Variants in C2orf42 observed in about 807,000 individuals in gnomAD.
The protein encoded by C2orf42 is chromosome 2 open reading frame 42.
Under a neutral mutation model 58.9 loss-of-function variants are expected in C2orf42, and 44 were observed. The observed-to-expected ratio is 0.75, with a 90% CI of 0.59 to 0.96. C2orf42 has a LOEUF of 0.96. Ranked by LOEUF, C2orf42 falls within the 40% of genes least tolerant of loss-of-function variation. The pLI is 0.00. For synonymous variants in C2orf42, 239 were observed against 265.4 expected (o/e 0.90, Z 0.97); for missense variants, 630 against 699.2 (o/e 0.90, Z 1.12).
chr2:70,188,477 G>A (rs536419362), intron 1 of C2orf42, among the ~76,000 whole-genome samples: 4 of 151,954 alleles, frequency 2.6e-5, no homozygotes, highest in South Asian at 2.1e-4. Flanking sequence ...GGCGTGAGCC[G>A]CTATGCCTGG....
intron 8 of C2orf42, 71 bp from the exon 9 acceptor site, chr2:70,160,858 G>A (rs1170859015): frequency 6.5e-6 from 6 of 920,422 alleles, no homozygotes; most frequent in African/African-American, 1.7e-5. Context: ...CCTGGATGAC[G>A]ACAAATCTTT....
chr2:70,150,450 T>C lies in C2orf42; in HGVS notation c.1631A>G (p.His544Arg). 3.1e-6 allele frequency: 5 copies of C among 1,614,124 alleles called. No individual in the cohort carries two copies. The South Asian group carries it at 5.5e-5, about 18-fold the overall frequency. ...ELRIKFEYGH[H>R]RNGHVAEYQD... ...GTACTCCGCCACATGCCCATTCCGG[T>C]GGTGGCCATACTCAAACTTGATCCG... The change falls in exon 10 of 10, where the codon CAC (histidine) becomes CGC (arginine). Residue 544 changes from histidine (H) to arginine (R), a missense_variant. Coordinates refer to ENST00000264434, the MANE Select transcript of C2orf42 (RefSeq NM_017880.3).
intron 4 of C2orf42, among the ~76,000 whole-genome samples, chr2:70,179,194 A>C (rs928876092): frequency 2.6e-5 from 4 of 152,160 alleles, no homozygotes; most frequent in African/African-American, 9.7e-5. Flanking sequence ...CTAAGGGATC[A>C]AACTTTTAGC....
chr2:70,173,240 T>C (rs1367647022), intron 5 of C2orf42, among the ~76,000 whole-genome samples: 4 of 151,492 alleles, frequency 2.6e-5, no homozygotes, highest in African/African-American at 7.3e-5. Context: ...TAAACACTTA[T>C]GCCTAGAATG....
intron 5 of C2orf42, 109 bp downstream of exon 5, chr2:70,175,564 G>A (rs112721127): frequency 5.5e-5 from 42 of 759,568 alleles, no homozygotes; most frequent in Non-Finnish European, 8.9e-5. Flanking sequence ...GCTTCTGTTA[G>A]TATTTATGCT....
chr2:70,159,593 A>G, intron 9 of C2orf42, among the ~76,000 whole-genome samples: 1 of 98,300 alleles, frequency 1.0e-5, no homozygotes, highest in South Asian at 3.5e-4. Flanking sequence ...TCCCTCTCCA[A>G]AAAAAAAAAA....
intron 1 of C2orf42, among the ~76,000 whole-genome samples, chr2:70,185,130 G>A (rs1022152806): frequency 6.6e-6 from 1 of 152,116 alleles, no homozygotes; most frequent in African/African-American, 2.4e-5. Flanking sequence ...GCTGGGCGCA[G>A]TGGCTCGTGC....
intron 8 of C2orf42, among the ~76,000 whole-genome samples, chr2:70,162,568 T>C (rs1329811247): frequency 6.6e-6 from 1 of 151,438 alleles, no homozygotes; most frequent in Non-Finnish European, 1.5e-5. Flanking sequence ...TGCTTGAACC[T>C]GGGAGGCAGA....
intron 3 of C2orf42, 135 bp downstream of exon 3, chr2:70,181,022 AAAAAAG>A: frequency 3.8e-6 from 2 of 523,982 alleles, no homozygotes; most frequent in South Asian, 3.2e-5. Flanking sequence ...AAAAAAAAAA[AAAAAAG>A]AAGGAACACT....
chr2:70,179,620 G>A lies in C2orf42; in HGVS notation c.846C>T (p.Pro282=), dbSNP rs1377253052. The change falls in exon 4 of 10, where the codon CCC becomes CCT. Residue 282 remains proline, a synonymous_variant. Coordinates refer to ENST00000264434, the MANE Select transcript of C2orf42 (RefSeq NM_017880.3). The part of the protein sequence containing the change: ...DSSGLKEIIV[P]QLGCHSESTV... Reference sequence around the variant, plus strand: ...TTGATTCTGAATGGCAACCTAACTGGGGTACAATAATCTCTTTAAGACCTA... The same window carrying A: ...TTGATTCTGAATGGCAACCTAACTGAGGTACAATAATCTCTTTAAGACCTA... The A allele has an allele frequency of 1.3e-6, 2 of 1,496,492 alleles. No homozygotes were observed. Among genetic ancestry groups the A allele is most frequent in the Non-Finnish European group, 1.9e-6 (2 of 1,074,680 alleles). 92.7% of individuals were successfully genotyped at this position (1,496,492 alleles called of 1,614,324 possible).
At chr2:70,170,747 A>T (rs1310447213) in intron 5 of C2orf42, among the ~76,000 whole-genome samples, 7 of 82,790 alleles carry the variant, frequency 8.5e-5, no homozygotes, top group Non-Finnish European at 1.2e-4. Flanking sequence ...GTGAGACTCT[A>T]AAAAAAAAAA....
chr2:70,189,799 G>A (rs1675216418), intron 1 of C2orf42, among the ~76,000 whole-genome samples: 1 of 152,054 alleles, frequency 6.6e-6, no homozygotes, highest in Non-Finnish European at 1.5e-5. Flanking sequence ...GGCTGAGGCG[G>A]GAGGATCACT....
chr2:70,185,135 T>G (rs1323280984), intron 1 of C2orf42, among the ~76,000 whole-genome samples: 1 of 151,936 alleles, frequency 6.6e-6, no homozygotes, highest in Non-Finnish European at 1.5e-5. Context: ...GCGCAGTGGC[T>G]CGTGCCTGTA....
rs1454102887 is a variant in C2orf42, at chr2:70,189,091, AAAT to A, written c.-282+1879_-282+1881del. On this transcript the variant is annotated intron_variant, in intron 1 of 9. Coordinates refer to ENST00000264434, the MANE Select transcript of C2orf42 (RefSeq NM_017880.3). ...AAAATGGAATACTTCCCAGAAAATA[AAAT>A]ATTTTTACAGCTGTTTAAAAAAAAA... Among the ~76,000 whole-genome samples the A allele has an allele frequency of 5.3e-5, 8 of 152,162 alleles. No individual in the cohort carries two copies. The South Asian group carries it at 1.7e-3, about 32-fold the overall frequency.
intron 2 of C2orf42, chr2:70,182,249 G>T: frequency 3.6e-6 from 1 of 279,084 alleles, no homozygotes; most frequent in Non-Finnish European, 6.9e-6. Context: ...ATAGGCACCC[G>T]CCACCACGCC....
chr2:70,189,214 C>G (rs1446575031), intron 1 of C2orf42, among the ~76,000 whole-genome samples: 1 of 148,824 alleles, frequency 6.7e-6, no homozygotes, highest in Admixed American at 6.8e-5. Context: ...CCTGACCAGC[C>G]TGAACAACAT....
At chr2:70,188,260 T>C (rs1330849192) in intron 1 of C2orf42, among the ~76,000 whole-genome samples, 1 of 152,054 alleles carries the variant, frequency 6.6e-6, no homozygotes, top group Admixed American at 6.6e-5. Context: ...TGATCTTGGC[T>C]CACTGCAACC....
intron 9 of C2orf42, among the ~76,000 whole-genome samples, chr2:70,157,552 T>A (rs796510562): frequency 2.2e-4 from 33 of 152,238 alleles, no homozygotes; most frequent in African/African-American, 7.9e-4. Context: ...ATCCCAGAAC[T>A]TTGGGAGGCC....
chr2:70,156,350 G>A (rs191492519), intron 9 of C2orf42, among the ~76,000 whole-genome samples: 33 of 152,190 alleles, frequency 2.2e-4, no homozygotes, highest in South Asian at 4.1e-4. Context: ...GTTGGGCCTG[G>A]TGGTGTGTGC....
Sources: gnomAD v4.1 joint callset for allele counts (sites outside exome capture counted in the v4.1 genomes callset) on GRCh38, gnomAD v4.1.1 for gene constraint, MANE v1.5 for transcripts, NCBI Gene and HGNC (gene_info 2026-07-23, HGNC 2026-07-21) for gene names.